Variants in EYS observed in about 807,000 individuals in gnomAD.
EYS encodes the protein protein eyes shut homolog.
A neutral mutation model predicts 282.1 loss-of-function variants in EYS; 250 were observed. The observed-to-expected ratio is 0.89, with a 90% CI of 0.80 to 0.98. The LOEUF is 0.98. Among genes scored for constraint, EYS ranks in the 50% least tolerant of loss-of-function variants. EYS has a pLI of 0.00. For synonymous variants in EYS, 1,355 were observed against 1,282.9 expected (o/e 1.06, Z -1.20); for missense variants, 4,016 against 3,709.0 (o/e 1.08, Z -2.15).
At chr6:64,380,441 A>G (rs1475650539) in intron 29 of EYS, among the ~76,000 whole-genome samples, 1 of 152,210 alleles carries the variant, frequency 6.6e-6, no homozygotes, top group Non-Finnish European at 1.5e-5. Flanking sequence ...AATAAGTTTC[A>G]GAAATCTTCA....
intron 36 of EYS, among the ~76,000 whole-genome samples, chr6:63,844,243 T>C (rs1772040042): frequency 6.6e-6 from 1 of 152,230 alleles, no homozygotes; most frequent in South Asian, 2.1e-4. Context: ...ATTTTCTCTA[T>C]GCAGTCTATC....
chr6:65,470,609 A>C (rs990925709), intron 5 of EYS, among the ~76,000 whole-genome samples: 20 of 152,212 alleles, frequency 1.3e-4, no homozygotes, highest in Admixed American at 3.9e-4. Flanking sequence ...AAATGATTAC[A>C]TATGGCTAGT....
chr6:65,118,091 TAGA>T (rs1377938604), intron 12 of EYS, among the ~76,000 whole-genome samples: 1 of 152,194 alleles, frequency 6.6e-6, no homozygotes, highest in Non-Finnish European at 1.5e-5. Flanking sequence ...AAGGTCTCTC[TAGA>T]AGAAGAAAGT....
intron 35 of EYS, among the ~76,000 whole-genome samples, chr6:63,952,596 G>A (rs1479453143): frequency 1.3e-5 from 2 of 151,996 alleles, no homozygotes; most frequent in Non-Finnish European, 2.9e-5. Flanking sequence ...ATTCTTTTAT[G>A]CACTCCTTTT....
chr6:64,139,890 C>T (rs1774283876), intron 31 of EYS, among the ~76,000 whole-genome samples: 2 of 151,878 alleles, frequency 1.3e-5, no homozygotes, highest in South Asian at 2.1e-4. Context: ...ATTGCTTGAA[C>T]CTGGGAGGCT....
chr6:64,957,974 C>T (rs749940731), intron 14 of EYS, among the ~76,000 whole-genome samples: 1 of 151,926 alleles, frequency 6.6e-6, no homozygotes, highest in Non-Finnish European at 1.5e-5. Flanking sequence ...AAACGTTCAA[C>T]TGTATTTTAG....
intron 28 of EYS, among the ~76,000 whole-genome samples, chr6:64,411,784 G>C (rs1037280631): frequency 6.7e-5 from 10 of 150,216 alleles, no homozygotes; most frequent in African/African-American, 2.4e-4. Flanking sequence ...GGAGTTTGAG[G>C]CTGCAGTGAG....
At chr6:63,972,873 T>A (rs921160991) in intron 35 of EYS, among the ~76,000 whole-genome samples, 1 of 152,186 alleles carries the variant, frequency 6.6e-6, no homozygotes, top group African/African-American at 2.4e-5. Flanking sequence ...GAACTCATCC[T>A]TTTTTATGGG....
In EYS at chr6:64,404,380, A is replaced by AGTGT. The variant is rs59373630; in HGVS notation, c.5928-15544_5928-15541dup. Reference sequence around the variant, plus strand: ...TCTAAATTGTAATATAGAGTGTGAGAGTGTGTGTGTGTGTGTGTGTGTGTG... The same window carrying AGTGT: ...TCTAAATTGTAATATAGAGTGTGAGAGTGTGTGTGTGTGTGTGTGTGTGTGTGTG... On this transcript the variant is annotated intron_variant, in intron 28 of 42. Coordinates refer to ENST00000503581, the MANE Select transcript of EYS (RefSeq NM_001142800.2). Among the ~76,000 whole-genome samples, 573 of 93,782 alleles carry AGTGT rather than the reference A, an allele frequency of 6.1e-3. 2 individuals carry two copies. Among genetic ancestry groups the AGTGT allele is most frequent in the Admixed American group, 0.012 (108 of 8,942 alleles). The allele number at this position is 93,782 out of a possible 152,430, so 61.5% of individuals were successfully genotyped here.
At chr6:65,147,128 C>G (rs921605460) in intron 12 of EYS, among the ~76,000 whole-genome samples, 1 of 151,692 alleles carries the variant, frequency 6.6e-6, no homozygotes, top group Non-Finnish European at 1.5e-5. Context: ...TTATTAATTT[C>G]TACTTTTATT....
At chr6:64,304,786 ATAAAT>A (rs1286230162) in intron 30 of EYS, among the ~76,000 whole-genome samples, 2 of 152,240 alleles carry the variant, frequency 1.3e-5, no homozygotes, top group Non-Finnish European at 2.9e-5. Flanking sequence ...GGATCAAGAA[ATAAAT>A]TATAATGGAA....
intron 26 of EYS, among the ~76,000 whole-genome samples, chr6:64,455,868 T>C (rs1775543427): frequency 6.6e-6 from 1 of 152,164 alleles, no homozygotes. Flanking sequence ...TTGACAGAAT[T>C]TAACATTAAT....
At chr6:65,443,545 A>G (rs1413722063) in intron 5 of EYS, among the ~76,000 whole-genome samples, 1 of 151,358 alleles carries the variant, frequency 6.6e-6, no homozygotes, top group Non-Finnish European at 1.5e-5. Flanking sequence ...TTATGGACAC[A>G]TGATACGCAT....
intron 41 of EYS, among the ~76,000 whole-genome samples, chr6:63,735,070 C>A (rs1363116794): frequency 2.6e-5 from 4 of 152,076 alleles, no homozygotes; most frequent in Admixed American, 1.3e-4. Flanking sequence ...TTGCTCAAAG[C>A]TATGATTCAG....
At chr6:64,449,304 G>T (rs1562001092) in intron 26 of EYS, among the ~76,000 whole-genome samples, 1 of 150,504 alleles carries the variant, frequency 6.6e-6, no homozygotes, top group Non-Finnish European at 1.5e-5. Context: ...AAAGGTTAGA[G>T]AAAAAAAAAT....
At chr6:64,885,706 A>G (rs1767064451) in intron 19 of EYS, among the ~76,000 whole-genome samples, 1 of 151,768 alleles carries the variant, frequency 6.6e-6, no homozygotes, top group African/African-American at 2.4e-5. Flanking sequence ...TGTATATGAG[A>G]TTTGTTACCA....
chr6:65,035,530 T>C (rs1772741311), intron 13 of EYS, among the ~76,000 whole-genome samples: 1 of 152,116 alleles, frequency 6.6e-6, no homozygotes, highest in Admixed American at 6.6e-5. Flanking sequence ...AGTATTTTTA[T>C]ACACCAATGA....
intron 30 of EYS, among the ~76,000 whole-genome samples, chr6:64,257,830 C>T (rs1767453252): frequency 6.6e-6 from 1 of 151,796 alleles, no homozygotes; most frequent in Admixed American, 6.6e-5. Context: ...CAACCGTGAT[C>T]ATTATTCCAA....
chr6:64,014,734 A>T (rs1049047960), intron 33 of EYS, among the ~76,000 whole-genome samples: 2 of 151,718 alleles, frequency 1.3e-5, no homozygotes, highest in Non-Finnish European at 2.9e-5. Context: ...ACCAGCTAGC[A>T]CACAGTCTAA....
Sources: gnomAD v4.1 joint callset for allele counts (sites outside exome capture counted in the v4.1 genomes callset) on GRCh38, gnomAD v4.1.1 for gene constraint, MANE v1.5 for transcripts, NCBI Gene and HGNC (gene_info 2026-07-23, HGNC 2026-07-21) for gene names.